RHOJ: variants seen among roughly 807,000 people sequenced by gnomAD.
The protein encoded by RHOJ is rho-related GTP-binding protein RhoJ.
A neutral mutation model predicts 23.4 loss-of-function variants in RHOJ; 11 were observed. That is an observed-to-expected ratio of 0.47 (90% CI 0.30 to 0.78). RHOJ has a LOEUF of 0.78. Ranked by LOEUF, RHOJ falls within the 30% of genes least tolerant of loss-of-function variation. The pLI is 0.08. For missense variants in RHOJ, 254 were observed against 273.4 expected, an observed-to-expected ratio of 0.93 and a Z score of 0.50; for synonymous variants, 102 against 102.7, an observed-to-expected ratio of 0.99 and a Z score of 0.04.
chr14:63,280,035 G>GT (rs1881848592), intron 2 of RHOJ, among the ~76,000 whole-genome samples: 5 of 151,884 alleles, frequency 3.3e-5, no homozygotes, highest in Admixed American at 3.3e-4. Context: ...TATTTTGTTT[G>GT]TTTTTTGAGA....
At chr14:63,289,011 G>T (rs1050728205) in intron 4 of RHOJ, among the ~76,000 whole-genome samples, 1 of 152,130 alleles carries the variant, frequency 6.6e-6, no homozygotes, top group Non-Finnish European at 1.5e-5. Context: ...CAGATTCTGG[G>T]TCTATTTCTT....
chr14:63,220,442 T>A (rs1398337457), intron 1 of RHOJ, among the ~76,000 whole-genome samples: 1 of 145,874 alleles, frequency 6.9e-6, no homozygotes, highest in African/African-American at 2.6e-5. Flanking sequence ...ATCCCTGAAC[T>A]TAAAAGTTAA....
chr14:63,232,687 T>C (rs552248149), intron 1 of RHOJ, among the ~76,000 whole-genome samples: 1 of 151,644 alleles, frequency 6.6e-6, no homozygotes, highest in South Asian at 2.1e-4. Flanking sequence ...AAGTCTTTTT[T>C]TCTTGCCTTT....
intron 2 of RHOJ, among the ~76,000 whole-genome samples, chr14:63,272,035 C>A (rs1185322465): frequency 6.6e-6 from 1 of 152,210 alleles, no homozygotes; most frequent in African/African-American, 2.4e-5. Flanking sequence ...AGGTCTATCC[C>A]CAGCCTACTG....
chr14:63,213,396 T>C (rs900070363), intron 1 of RHOJ, among the ~76,000 whole-genome samples: 1 of 152,206 alleles, frequency 6.6e-6, no homozygotes, highest in African/African-American at 2.4e-5. Flanking sequence ...TATTTGGTTT[T>C]CTGTTTCTAT....
intron 1 of RHOJ, among the ~76,000 whole-genome samples, chr14:63,230,217 A>G (rs1894666087): frequency 1.3e-5 from 2 of 152,080 alleles, no homozygotes; most frequent in African/African-American, 4.8e-5. Flanking sequence ...TCCAATTTCT[A>G]TAGGTATCTA....
At chr14:63,248,668 A>G (rs1895018008) in intron 1 of RHOJ, among the ~76,000 whole-genome samples, 1 of 152,188 alleles carries the variant, frequency 6.6e-6, no homozygotes, top group Admixed American at 6.5e-5. Flanking sequence ...TATTTAACAA[A>G]CATTTATTGG....
At chr14:63,207,711 C>A (rs1451856055) in intron 1 of RHOJ, among the ~76,000 whole-genome samples, 1 of 152,180 alleles carries the variant, frequency 6.6e-6, no homozygotes, top group Non-Finnish European at 1.5e-5. Context: ...AGTCAGACAG[C>A]CCGGTTCTAA....
chr14:63,256,625 G>T lies in RHOJ; in HGVS notation c.179-12485G>T, dbSNP rs116725872. Among the ~76,000 whole-genome samples the T allele has an allele frequency of 5.5e-3, 845 of 152,308 alleles. 7 individuals carry two copies. The highest frequency in any genetic ancestry group is 0.019 in the African/African-American group (803 of 41,588). On this transcript the variant is annotated intron_variant, in intron 1 of 4. Transcript: ENST00000316754. ...GTAATGTACCAGTCCCCCCAGGAAA[G>T]AATAGGCTGGACCGAAGTGACAAGA...
intron 2 of RHOJ, among the ~76,000 whole-genome samples, chr14:63,276,214 G>T (rs927850394): frequency 3.3e-5 from 5 of 152,154 alleles, no homozygotes; most frequent in African/African-American, 4.8e-5. Flanking sequence ...CTTCGGTGGG[G>T]GGGGGCGGGG....
chr14:63,269,664 A>G (rs1895431065), intron 2 of RHOJ, among the ~76,000 whole-genome samples: 1 of 152,178 alleles, frequency 6.6e-6, no homozygotes, highest in Non-Finnish European at 1.5e-5. Context: ...AAAAGCCAGG[A>G]TCCTAGATGT....
rs1326752878 is a variant in RHOJ, at chr14:63,255,749, T to C, written c.179-13361T>C. On this transcript the variant is annotated intron_variant, in intron 1 of 4. Transcript: ENST00000316754. ...TGGAGCCACACATTTCTTGCAGCCT[T>C]AAGAAGAGGCTCTGGCCTTGACTTC... 3.9e-5 allele frequency among the ~76,000 whole-genome samples: 6 copies of C among 152,208 alleles called. No individual in the cohort carries two copies. In the East Asian group the frequency reaches 1.2e-3, roughly 29 times the overall value.
chr14:63,206,373 GAGA>G (rs1225689843), intron 1 of RHOJ, among the ~76,000 whole-genome samples: 1 of 152,136 alleles, frequency 6.6e-6, no homozygotes, highest in African/African-American at 2.4e-5. Context: ...ACAGAATAAA[GAGA>G]AGAACAGGTT....
chr14:63,236,646 A>G (rs918737949), intron 1 of RHOJ, among the ~76,000 whole-genome samples: 2 of 152,146 alleles, frequency 1.3e-5, no homozygotes, highest in African/African-American at 2.4e-5. Context: ...TTAGGTGAGG[A>G]CATAGTTAAA....
At chr14:63,248,754 C>T (rs938792014) in intron 1 of RHOJ, among the ~76,000 whole-genome samples, 2 of 152,206 alleles carry the variant, frequency 1.3e-5, no homozygotes, top group African/African-American at 4.8e-5. Flanking sequence ...GTCCTAGCTT[C>T]AGATGAAGCT....
chr14:63,249,729 T>TAAGTCAGTGG (rs1895035582), intron 1 of RHOJ, among the ~76,000 whole-genome samples: 1 of 152,246 alleles, frequency 6.6e-6, no homozygotes, highest in South Asian at 2.1e-4. Context: ...TCTAATGCTC[T>TAAGTCAGTGG]AAGTCAGTGG....
At position 63,223,555 on chromosome 14, in the gene RHOJ, C is replaced by T. The variant is rs186152484; in HGVS notation, c.178+18508C>T. On this transcript the variant is annotated intron_variant, in intron 1 of 4. Coordinates refer to ENST00000316754, the MANE Select transcript of RHOJ (RefSeq NM_020663.5). ...GTTATGAAATATTCATAGAGGCTAA[C>T]TTTCATACCTATCTCATTAGTTCAG... Among the ~76,000 whole-genome samples the T allele has an allele frequency of 1.8e-3, 268 of 152,260 alleles. 1 individual carries two copies. Among genetic ancestry groups the T allele is most frequent in the African/African-American group, 6.1e-3 (254 of 41,552 alleles).
intron 1 of RHOJ, among the ~76,000 whole-genome samples, chr14:63,243,396 G>A (rs1894919102): frequency 6.6e-6 from 1 of 152,194 alleles, no homozygotes. Context: ...CTGGAGTACA[G>A]TGGCGTGATC....
chr14:63,279,409 G>A (rs954251712), intron 2 of RHOJ, among the ~76,000 whole-genome samples: 1 of 152,150 alleles, frequency 6.6e-6, no homozygotes. Context: ...TATGGTATGT[G>A]TATGCACGCT....
Sources: allele counts gnomAD v4.1 joint callset (sites outside exome capture counted in the v4.1 genomes callset), GRCh38; gene constraint gnomAD v4.1.1; transcripts MANE v1.5; gene names NCBI Gene and HGNC (gene_info 2026-07-23, HGNC 2026-07-21).